The following RUFY3 variants were observed in gnomAD, a reference collection of about 807,000 sequenced individuals.
RUFY3 encodes RUN and FYVE domain containing 3.
RUFY3 carries 34 observed loss-of-function variants against 84.0 expected under a neutral mutation model. The ratio of observed to expected loss-of-function variants is 0.40; its 90% CI spans 0.31 to 0.54. The LOEUF (loss-of-function observed/expected upper bound fraction) is 0.54, where lower values mean the gene tolerates loss of function less well. Among genes scored for constraint, RUFY3 ranks in the 20% least tolerant of loss-of-function variants. The pLI, the probability that RUFY3 is intolerant of heterozygous loss-of-function variation, is 0.39. For missense variants in RUFY3, 507 were observed against 736.8 expected (o/e 0.69, Z 3.61); for synonymous variants, 242 against 252.9 (o/e 0.96, Z 0.41).
chr4:70,727,429 C>T (rs114080643), intron 1 of RUFY3, among the ~76,000 whole-genome samples: 2,897 of 145,942 alleles, frequency 0.02, 117 homozygotes, highest in African/African-American at 0.07. Flanking sequence ...GTTCCCAGCT[C>T]GCTGAAACCT....
chr4:70,793,629 C>G, intron 12 of RUFY3, 156 bp from the exon 13 acceptor site: 1 of 1,491,568 alleles, frequency 6.7e-7, no homozygotes, highest in Non-Finnish European at 8.9e-7. Flanking sequence ...CTTTTCCCCC[C>G]CATAATTTCT....
chr4:70,722,249 C>A lies in RUFY3; in HGVS notation c.-325C>A. ...GCTGTGCGGGATTTAAAGCCTATAG[C>A]TCAGCTGAAAAAAAAGGTGGGGGGC... On this transcript the variant is annotated 5_prime_UTR_variant, in exon 1 of 18. Transcript: ENST00000381006. 1 of 1,230,978 alleles carries A rather than the reference C, an allele frequency of 8.1e-7. No individual in the cohort carries two copies. The highest frequency in any genetic ancestry group is 1.0e-6 in the Non-Finnish European group (1 of 988,334). 76.3% of individuals were successfully genotyped at this position (1,230,978 alleles called of 1,614,324 possible).
intron 1 of RUFY3, among the ~76,000 whole-genome samples, chr4:70,724,275 A>G (rs755214928): frequency 3.9e-5 from 6 of 152,208 alleles, no homozygotes; most frequent in Non-Finnish European, 8.8e-5. Context: ...TCTTCTGGCA[A>G]CTGCCTCAGT....
At chr4:70,768,691 G>T (rs375551015) in intron 5 of RUFY3, 30 bp downstream of exon 5, 2 of 1,607,182 alleles carry the variant, frequency 1.2e-6, no homozygotes, top group African/African-American at 2.7e-5. Flanking sequence ...TCCCATGGGT[G>T]TCACTCTGAG....
chr4:70,764,214 T>C (rs1445103925), intron 3 of RUFY3, among the ~76,000 whole-genome samples: 2 of 152,242 alleles, frequency 1.3e-5, no homozygotes, highest in Non-Finnish European at 2.9e-5. Flanking sequence ...TGATGGAACA[T>C]TTTTAGTTGG....
rs1206241706 is a variant in RUFY3 at position 70,722,187 on chromosome 4, C to T, written c.-387C>T. 5 of 1,229,238 alleles carry T rather than the reference C, an allele frequency of 4.1e-6. No homozygotes were observed. Among genetic ancestry groups the T allele is most frequent in the African/African-American group, 1.6e-5 (1 of 64,054 alleles). 76.1% of individuals were successfully genotyped at this position (1,229,238 alleles called of 1,614,324 possible). On this transcript the variant is annotated 5_prime_UTR_variant, in exon 1 of 18. Transcript: ENST00000381006. The stretch of plus-strand genomic sequence containing the variant: ...AGGAGGATTTTTCACTTACTCATAT[C>T]GAGGCCAGATTTTTAAAGCCAGCTA...
At chr4:70,772,474 G>C (rs997336697) in intron 5 of RUFY3, among the ~76,000 whole-genome samples, 1 of 152,106 alleles carries the variant, frequency 6.6e-6, no homozygotes, top group Non-Finnish European at 1.5e-5. Context: ...TGTTGTTTCA[G>C]ATTTCTTGAT....
chr4:70,727,655 C>T (rs984805268), intron 1 of RUFY3, among the ~76,000 whole-genome samples: 11 of 149,250 alleles, frequency 7.4e-5, no homozygotes, highest in South Asian at 2.2e-4. Context: ...GGCGTGGTGG[C>T]GGGTGCCTGT....
chr4:70,761,945 A>C (rs934272947), intron 1 of RUFY3, among the ~76,000 whole-genome samples: 2 of 152,220 alleles, frequency 1.3e-5, no homozygotes, highest in Admixed American at 1.3e-4. Context: ...CAGAGAGAGC[A>C]GTGTGAAGGT....
chr4:70,715,446 C>T (rs938135532), intron 1 of RUFY3, among the ~76,000 whole-genome samples: 9 of 150,984 alleles, frequency 6.0e-5, no homozygotes, highest in Admixed American at 4.0e-4. Context: ...TAGCCAGGTC[C>T]GGTGGTGTGT....
At chr4:70,800,099 C>G in intron 14 of RUFY3, 42 bp from the exon 15 acceptor site, 1 of 1,551,022 alleles carries the variant, frequency 6.4e-7, no homozygotes, top group Non-Finnish European at 8.8e-7. Flanking sequence ...CATTATTTAG[C>G]ATTCTGAATA....
At chr4:70,792,691 ATCTTT>A (rs201949318) in intron 12 of RUFY3, 19,159 of 985,096 alleles carry the variant, frequency 0.019, 228 homozygotes, top group Middle Eastern at 0.048. Flanking sequence ...AAAATTCTTT[ATCTTT>A]TTCTTGGCAA....
intron 10 of RUFY3, among the ~76,000 whole-genome samples, chr4:70,788,277 T>A (rs1488337956): frequency 6.9e-6 from 1 of 144,556 alleles, no homozygotes; most frequent in Admixed American, 6.8e-5. Context: ...AGAGCGAGAC[T>A]CTGTCTCAAA....
At chr4:70,798,651 G>C (rs886547281) in intron 14 of RUFY3, among the ~76,000 whole-genome samples, 4 of 152,050 alleles carry the variant, frequency 2.6e-5, no homozygotes, top group Non-Finnish European at 5.9e-5. Flanking sequence ...GCCTTGCTGC[G>C]TGCACCTATA....
intron 9 of RUFY3, among the ~76,000 whole-genome samples, chr4:70,784,014 G>A (rs1012608163): frequency 6.6e-6 from 1 of 152,180 alleles, no homozygotes; most frequent in Non-Finnish European, 1.5e-5. Context: ...TAGGCTCTGC[G>A]AGGGGACAAA....
rs778983553 is a variant in RUFY3, at chr4:70,807,709, C to T, written c.*1050C>T. Among the ~76,000 whole-genome samples the T allele has an allele frequency of 1.4e-5, 2 of 145,920 alleles. No homozygotes were observed. The highest frequency in any genetic ancestry group is 2.0e-4 in the East Asian group (1 of 4,944). On this transcript the variant is annotated 3_prime_UTR_variant, in exon 18 of 18. Transcript: ENST00000381006. ...CGGGGAGGGGGTCTCATTGGTTGCT[C>T]AGCCTGGTCTCAAACTCCTGGGCTT...
At chr4:70,784,716 C>G (rs1362917272) in intron 9 of RUFY3, 80 bp from the exon 10 acceptor site, 2 of 810,072 alleles carry the variant, frequency 2.5e-6, no homozygotes, top group African/African-American at 3.6e-5. Context: ...ATCTTTTTTT[C>G]TTGCTAAGTA....
At chr4:70,747,074 TC>T (rs1409018180) in intron 1 of RUFY3, among the ~76,000 whole-genome samples, 1 of 152,222 alleles carries the variant, frequency 6.6e-6, no homozygotes, top group African/African-American at 2.4e-5. Context: ...ATGGTATCTC[TC>T]GATATTATTT....
intron 1 of RUFY3, among the ~76,000 whole-genome samples, chr4:70,737,535 C>T (rs1256052668): frequency 6.6e-6 from 1 of 152,134 alleles, no homozygotes; most frequent in African/African-American, 2.4e-5. Flanking sequence ...AGCATGAGAG[C>T]AAAGGGTCTA....
Sources: gnomAD v4.1 joint callset for allele counts (sites outside exome capture counted in the v4.1 genomes callset) on GRCh38, gnomAD v4.1.1 for gene constraint, MANE v1.5 for transcripts, NCBI Gene and HGNC (gene_info 2026-07-23, HGNC 2026-07-21) for gene names.